ITPR3: variants seen among roughly 807,000 people sequenced by gnomAD.
The protein encoded by ITPR3 is inositol 1,4,5-trisphosphate receptor type 3, also known as inositol 1,4,5-trisphosphate-gated calcium channel ITPR3.
In ITPR3, 173 loss-of-function variants were observed where a neutral mutation model predicts 293.2. The ratio of observed to expected loss-of-function variants is 0.59; its 90% confidence interval spans 0.52 to 0.67. The LOEUF is 0.67. ITPR3 is among the 30% of genes least tolerant of loss of function. ITPR3 has a pLI of 0.00. For synonymous variants in ITPR3, 1,295 were observed against 1,444.4 expected (o/e 0.90, Z 2.35); for missense variants, 2,796 against 3,592.1 (o/e 0.78, Z 5.66).
intron 57 of ITPR3, 156 bp from the exon 58 acceptor site, chr6:33,695,556 C>T (rs1199719285): frequency 2.0e-5 from 14 of 685,176 alleles, no homozygotes; most frequent in South Asian, 5.2e-5. Context: ...CTGACATCGA[C>T]ATCCTTAAAG....
chr6:33,662,431 A>G (rs567630742), intron 7 of ITPR3, 97 bp from the exon 8 acceptor site: 4 of 1,406,358 alleles, frequency 2.8e-6, no homozygotes, highest in Non-Finnish European at 3.8e-6. Context: ...CCCTGCCAGC[A>G]GCCAACCCTG....
chr6:33,648,162 C>T (rs1241123986), intron 2 of ITPR3, among the ~76,000 whole-genome samples: 3 of 151,140 alleles, frequency 2.0e-5, no homozygotes, highest in Non-Finnish European at 4.4e-5. Context: ...ACCTCCCAGG[C>T]TCAAGCCATC....
In ITPR3 at chr6:33,691,830, G is replaced by T. The variant is rs932127084; in HGVS notation, c.7360G>T (p.Ala2454Ser). ...CAGGGAGCTGGACAGCACAGAGCGG[G>T]CCTGTGACACTCTGTTGATGTGCAT... is the stretch of plus-strand genomic sequence containing the variant. ...EDRELDSTERACDTLLMCIVT... is the reference protein window; with the variant it reads ...EDRELDSTERSCDTLLMCIVT... Residue 2454 changes from alanine (A) to serine (S), a missense_variant, in exon 54 of 58, where the codon GCC (alanine) becomes TCC (serine). Physicochemically the swap from Ala to Ser is moderately conservative, Grantham distance 99. This residue lies in a region of ITPR3 where 568 missense variants were observed against 796.1 expected (regional missense o/e 0.71). Transcript: ENST00000605930. The surrounding 1 kb of genome is among the most constrained non-coding windows in gnomAD (Gnocchi z 4.9). 4 of 1,614,140 alleles carry T rather than the reference G, an allele frequency of 2.5e-6. No individual in the cohort carries two copies. The African/African-American group carries it at 5.3e-5, about 22-fold the overall frequency.
intron 2 of ITPR3, among the ~76,000 whole-genome samples, chr6:33,646,350 C>T (rs6935686): frequency 0.26 from 34,509 of 135,062 alleles, 4,718 homozygotes; most frequent in East Asian, 0.45. Context: ...TGAGAGTCTG[C>T]TCCCACCCTC....
At position 33,692,623 on chromosome 6, in the gene ITPR3, G is replaced by A; in HGVS notation, c.7459-105G>A. On this transcript the variant is annotated intron_variant, in intron 54 of 57. Coordinates refer to ENST00000605930, the MANE Select transcript of ITPR3 (RefSeq NM_002224.4). The surrounding 1 kb of genome is among the most constrained non-coding windows in gnomAD (Gnocchi z 4.2). ...AGAGGCCCTCATTTCCTTCTGCTAG[G>A]GGCTGGGTCCTCAATATCACAGCCC... The A allele has an allele frequency of 8.8e-7, 1 of 1,130,680 alleles. No individual in the cohort carries two copies. Among genetic ancestry groups the A allele is most frequent in the Non-Finnish European group, 1.3e-6 (1 of 787,556 alleles). 70.0% of individuals were successfully genotyped at this position (1,130,680 alleles called of 1,614,324 possible).
chr6:33,674,797 A>G (rs1230655462), intron 24 of ITPR3, among the ~76,000 whole-genome samples: 1 of 152,230 alleles, frequency 6.6e-6, no homozygotes, highest in Admixed American at 6.5e-5. Context: ...GGAGAAAACA[A>G]ATTAGTAGTG....
In ITPR3 at chr6:33,685,795, C is replaced by T; in HGVS notation, c.5635C>T (p.Leu1879=). 1 of 1,583,418 alleles carries T rather than the reference C, an allele frequency of 6.3e-7. No homozygotes were observed. The highest frequency in any genetic ancestry group is 1.1e-5 in the South Asian group (1 of 87,296). ...GCAGCCCATCCTGCGCTTTCTGCAG[C>T]TGCTGTGTGAGAACCACAACCGGGA... ...IMQPILRFLQ[L]LCENHNRDLQ... Residue 1879 remains leucine, a synonymous_variant, in exon 41 of 58, where the codon CTG becomes TTG. Coordinates refer to ENST00000605930, the MANE Select transcript of ITPR3 (RefSeq NM_002224.4).
At chr6:33,671,555 TAGTG>T (rs1347614802) in intron 21 of ITPR3, among the ~76,000 whole-genome samples, 1 of 152,016 alleles carries the variant, frequency 6.6e-6, no homozygotes, top group African/African-American at 2.4e-5. Flanking sequence ...TGAGGGGAGA[TAGTG>T]AGGGAGGAGC....
chr6:33,692,924 G>A lies in ITPR3; in HGVS notation c.7624+31G>A, dbSNP rs776592456. 80 of 1,607,876 alleles carry A rather than the reference G, an allele frequency of 5.0e-5. No individual in the cohort carries two copies. The highest frequency in any genetic ancestry group is 6.4e-5 in the Non-Finnish European group (75 of 1,175,974). On this transcript the variant is annotated intron_variant, in intron 55 of 57. Transcript: ENST00000605930. The surrounding 1 kb of genome is among the most constrained non-coding windows in gnomAD (Gnocchi z 4.2). ...GGCTGCTTCCTGCTCTGTGGAGGCC[G>A]CAGCGGGGCTGGAACGTCATCTGAT...
At chr6:33,653,720 C>T (rs1019935362) in intron 2 of ITPR3, among the ~76,000 whole-genome samples, 12 of 152,204 alleles carry the variant, frequency 7.9e-5, no homozygotes, top group African/African-American at 2.9e-4. Flanking sequence ...GTGGTGCAGG[C>T]GTCCAGCAAC....
chr6:33,687,396 T>TC lies in ITPR3; in HGVS notation c.6177+74dup, dbSNP rs1765261785. 1 of 1,451,980 alleles carries TC rather than the reference T, an allele frequency of 6.9e-7. No homozygotes were observed. The allele number at this position is 1,451,980 out of a possible 1,614,324, so 89.9% of individuals were successfully genotyped here. ...CCATACCCCGCCCCAGCTGCCATCA[T>TC]CCCCCAGTCGCCATTGTCGCCCCCC... is the stretch of plus-strand genomic sequence containing the variant. On this transcript the variant is annotated intron_variant, in intron 45 of 57. Coordinates refer to ENST00000605930, the MANE Select transcript of ITPR3 (RefSeq NM_002224.4). The surrounding 1 kb of genome is among the most constrained non-coding windows in gnomAD (Gnocchi z 5.3).
Position 33,678,807 on chromosome 6 carries a change from G to T in ITPR3, c.3940G>T (p.Val1314Phe). 6.2e-7 allele frequency: 1 copy of T among 1,613,410 alleles called. No homozygotes were observed. The highest frequency in any genetic ancestry group is 2.2e-5 in the East Asian group (1 of 44,880). The change falls in exon 30 of 58, where the codon GTC becomes TTC. Residue 1314 changes from valine to phenylalanine, a missense_variant. Physicochemically the swap from Val to Phe is conservative, Grantham distance 50. Coordinates refer to ENST00000605930, the MANE Select transcript of ITPR3 (RefSeq NM_002224.4). ...CGTCATTAAGGCCGAGGGCAAGTACGTCAAGAAGTGCCAGGACATGATCAT... is the reference window on the plus strand; with the variant it reads ...CGTCATTAAGGCCGAGGGCAAGTACTTCAAGAAGTGCCAGGACATGATCAT... ...HTVIKAEGKY[V>F]KKCQDMIMTE...
At chr6:33,634,218 C>A (rs1445816819) in intron 1 of ITPR3, among the ~76,000 whole-genome samples, 1 of 150,504 alleles carries the variant, frequency 6.6e-6, no homozygotes. Context: ...CAAACATCTG[C>A]CCAGGGCCAC....
At chr6:33,668,672 G>C (rs768531068) in intron 17 of ITPR3, 38 bp downstream of exon 17, 1 of 1,613,362 alleles carries the variant, frequency 6.2e-7, no homozygotes, top group South Asian at 1.1e-5. Flanking sequence ...TGGGCTCCAC[G>C]CTGCTGACCC....
intron 2 of ITPR3, among the ~76,000 whole-genome samples, chr6:33,646,066 GAC>G (rs569613663): frequency 8.0e-4 from 121 of 152,082 alleles, no homozygotes; most frequent in Non-Finnish European, 1.4e-3. Flanking sequence ...TCGAACTCCT[GAC>G]CCCGTGATCC....
intron 25 of ITPR3, among the ~76,000 whole-genome samples, chr6:33,676,531 G>C (rs951689009): frequency 1.3e-5 from 2 of 152,266 alleles, no homozygotes; most frequent in African/African-American, 4.8e-5. Flanking sequence ...ACTGAAGCCA[G>C]GTTATGTGGC....
At chr6:33,641,085 T>C (rs1178831658) in intron 2 of ITPR3, among the ~76,000 whole-genome samples, 1 of 152,108 alleles carries the variant, frequency 6.6e-6, no homozygotes, top group Non-Finnish European at 1.5e-5. Context: ...GGGAAGTTGG[T>C]GAGAATTCAC....
rs1440394239 is a variant in ITPR3 at position 33,659,564 on chromosome 6, C to T, written c.711+15C>T. The T allele has an allele frequency of 6.2e-7, 1 of 1,608,654 alleles. No individual in the cohort carries two copies. The highest frequency in any genetic ancestry group is 1.3e-5 in the African/African-American group (1 of 74,908). The stretch of plus-strand genomic sequence containing the variant: ...TGTTGAAAGGGGTAAGGACTGGGAA[C>T]CCCTGCCCTGCCCAGCTGGCCACCT... On this transcript the variant is annotated intron_variant, in intron 7 of 57. Transcript: ENST00000605930.
At position 33,679,268 on chromosome 6, in the gene ITPR3, G is replaced by A. The variant is rs1330694649; in HGVS notation, c.3972+429G>A. Reference sequence around the variant, plus strand: ...CATCGCCAGGGCCCCAGTGTGTGGCGCATAGTAGGTTCTCAACAGACACCT... The same window carrying A: ...CATCGCCAGGGCCCCAGTGTGTGGCACATAGTAGGTTCTCAACAGACACCT... On this transcript the variant is annotated intron_variant, in intron 30 of 57. Coordinates refer to ENST00000605930, the MANE Select transcript of ITPR3 (RefSeq NM_002224.4). This position sits in a 1 kb window ranked among gnomAD's most constrained non-coding sequence, Gnocchi z 4.2. Among the ~76,000 whole-genome samples the A allele has an allele frequency of 3.3e-5, 5 of 152,154 alleles. No individual in the cohort carries two copies. The highest frequency in any genetic ancestry group is 1.9e-4 in the East Asian group (1 of 5,194).
Sources: gnomAD v4.1 joint callset for allele counts (sites outside exome capture counted in the v4.1 genomes callset) on GRCh38, gnomAD v4.1.1 for gene constraint, gnomAD v4.1.1 regional missense constraint, Gnocchi (gnomAD v3.1) non-coding constraint, MANE v1.5 for transcripts, NCBI Gene and HGNC (gene_info 2026-07-23, HGNC 2026-07-21) for gene names.